The following GOLM2 variants were observed in gnomAD, a reference collection of about 807,000 sequenced individuals.
The protein encoded by GOLM2 is golgi membrane protein 2.
A neutral mutation model predicts 55.9 loss-of-function variants in GOLM2; 26 were observed. That is an observed-to-expected ratio of 0.47 (90% confidence interval 0.34 to 0.65). GOLM2 has a LOEUF of 0.65. Among genes scored for constraint, GOLM2 ranks in the 30% least tolerant of loss-of-function variants. The probability of loss-of-function intolerance (pLI) is 0.01; values close to 1 mark genes in which losing one functional copy is unlikely to be tolerated. For missense variants in GOLM2, 486 were observed against 531.8 expected, an observed-to-expected ratio of 0.91 and a Z score of 0.85; for synonymous variants, 165 against 194.6, an observed-to-expected ratio of 0.85 and a Z score of 1.27.
At chr15:44,303,898 G>A (rs1268319126) in intron 1 of GOLM2, among the ~76,000 whole-genome samples, 1 of 151,806 alleles carries the variant, frequency 6.6e-6, no homozygotes, top group African/African-American at 2.4e-5. Flanking sequence ...ACCAGGCCTG[G>A]CTGATTTTTG....
At chr15:44,306,258 A>G (rs1445981198) in intron 1 of GOLM2, among the ~76,000 whole-genome samples, 1 of 151,778 alleles carries the variant, frequency 6.6e-6, no homozygotes. Flanking sequence ...CAGCTTTTTC[A>G]TCAGCACTTG....
chr15:44,363,404 A>G (rs2141174559), intron 6 of GOLM2, among the ~76,000 whole-genome samples: 1 of 152,358 alleles, frequency 6.6e-6, no homozygotes, highest in African/African-American at 2.4e-5. Context: ...GACACTTCTC[A>G]AAAGAAGCCA....
intron 1 of GOLM2, among the ~76,000 whole-genome samples, chr15:44,297,867 CT>C (rs370282797): frequency 0.048 from 5,237 of 109,210 alleles, 144 homozygotes; most frequent in East Asian, 0.17. Flanking sequence ...CGCACCTGGC[CT>C]TTTTTTTTTT....
chr15:44,334,921 C>G (rs1006856160), intron 4 of GOLM2, among the ~76,000 whole-genome samples: 1 of 152,180 alleles, frequency 6.6e-6, no homozygotes, highest in Non-Finnish European at 1.5e-5. Context: ...ATCCCGGCTA[C>G]TCAGGAGGCT....
chr15:44,401,336 C>T (rs1787972942), intron 8 of GOLM2, among the ~76,000 whole-genome samples: 1 of 152,034 alleles, frequency 6.6e-6, no homozygotes, highest in African/African-American at 2.4e-5. Flanking sequence ...AATATCCTAA[C>T]TCACTGTAGC....
At chr15:44,381,055 C>A in intron 8 of GOLM2, 79 bp downstream of exon 8, 1 of 859,730 alleles carries the variant, frequency 1.2e-6, no homozygotes, top group Non-Finnish European at 1.6e-6. Context: ...TTATTCTGCT[C>A]TCTAATAAAT....
chr15:44,385,823 C>T (rs993088145), intron 8 of GOLM2, among the ~76,000 whole-genome samples: 1 of 152,170 alleles, frequency 6.6e-6, no homozygotes, highest in African/African-American at 2.4e-5. Context: ...CTCCCAAAAG[C>T]ACTGGGATTA....
At chr15:44,343,327 A>C (rs1162830926) in intron 6 of GOLM2, among the ~76,000 whole-genome samples, 2 of 151,986 alleles carry the variant, frequency 1.3e-5, no homozygotes, top group African/African-American at 4.8e-5. Context: ...AAAAAAAAAA[A>C]AAAACCAACT....
intron 4 of GOLM2, among the ~76,000 whole-genome samples, chr15:44,336,308 G>A (rs182390809): frequency 6.6e-6 from 1 of 151,342 alleles, no homozygotes; most frequent in East Asian, 2.0e-4. Context: ...TAGTAGAGTC[G>A]GGGTTTTACT....
chr15:44,316,991 A>G (rs555406524), intron 1 of GOLM2, among the ~76,000 whole-genome samples: 1 of 152,164 alleles, frequency 6.6e-6, no homozygotes, highest in South Asian at 2.1e-4. Context: ...CTGAATATAT[A>G]TATTCAACTA....
chr15:44,363,447 T>A (rs1478428996), intron 6 of GOLM2, among the ~76,000 whole-genome samples: 1 of 152,134 alleles, frequency 6.6e-6, no homozygotes, highest in African/African-American at 2.4e-5. Flanking sequence ...GGAAAAATGC[T>A]CACCATCACT....
At chr15:44,337,705 G>T in intron 4 of GOLM2, 58 bp from the exon 5 acceptor site, 1 of 1,224,586 alleles carries the variant, frequency 8.2e-7, no homozygotes, top group Non-Finnish European at 1.1e-6. Context: ...ATTAATAGTT[G>T]TGTCGGTGGT....
In GOLM2 at chr15:44,409,524, G is replaced by GGTTGCAGTGAGCCGAGATCTCGCC. The variant is rs556010621; in HGVS notation, c.1241-3811_1241-3788dup. 28 of 144,166 alleles carry GGTTGCAGTGAGCCGAGATCTCGCC rather than the reference G, an allele frequency of 1.9e-4. No individual in the cohort carries two copies. In the East Asian group the frequency reaches 5.6e-3, roughly 29 times the overall value. The allele number at this position is 144,166 out of a possible 1,614,324, so 8.9% of individuals were successfully genotyped here. A position where few individuals can be genotyped will look rare whatever the true frequency, so the allele number is the denominator to read the frequency against. On this transcript the variant is annotated intron_variant, in intron 9 of 9. Coordinates refer to ENST00000299957, the MANE Select transcript of GOLM2 (RefSeq NM_138423.4). The stretch of plus-strand genomic sequence containing the variant: ...GAATTGCTGGAACCTGGGAGGCGGA[G>GGTTGCAGTGAGCCGAGATCTCGCC]GTTGCAGTGAGCCGAGATCTCGCCA...
At chr15:44,392,886 C>T (rs1030763033) in intron 8 of GOLM2, among the ~76,000 whole-genome samples, 2 of 152,100 alleles carry the variant, frequency 1.3e-5, no homozygotes, top group Non-Finnish European at 2.9e-5. Flanking sequence ...AAGTAATTTC[C>T]TTAACTCGAT....
chr15:44,290,844 C>T (rs1035303384), intron 1 of GOLM2, among the ~76,000 whole-genome samples: 2 of 152,074 alleles, frequency 1.3e-5, no homozygotes, highest in Admixed American at 6.6e-5. Flanking sequence ...TTTTGTTGCC[C>T]AGGCAGGAGT....
chr15:44,374,950 C>T (rs1009209942), intron 6 of GOLM2, among the ~76,000 whole-genome samples: 1 of 152,086 alleles, frequency 6.6e-6, no homozygotes, highest in Non-Finnish European at 1.5e-5. Flanking sequence ...ATATTTTTCC[C>T]CTGGCTCTCT....
intron 6 of GOLM2, among the ~76,000 whole-genome samples, chr15:44,367,961 G>A (rs1287022447): frequency 1.3e-5 from 2 of 151,818 alleles, no homozygotes; most frequent in East Asian, 3.9e-4. Flanking sequence ...GCCTTAGTAT[G>A]GGGTTTTATT....
At chr15:44,313,565 C>G (rs1329461763) in intron 1 of GOLM2, among the ~76,000 whole-genome samples, 1 of 152,192 alleles carries the variant, frequency 6.6e-6, no homozygotes, top group Non-Finnish European at 1.5e-5. Flanking sequence ...GTGCTAATGA[C>G]TCCAAATCTG....
intron 8 of GOLM2, among the ~76,000 whole-genome samples, chr15:44,389,497 C>T (rs973797569): frequency 6.6e-6 from 1 of 152,070 alleles, no homozygotes; most frequent in Non-Finnish European, 1.5e-5. Flanking sequence ...CACTGCACTC[C>T]AGCTTAGACA....
Sources: gnomAD v4.1 joint callset for allele counts (sites outside exome capture counted in the v4.1 genomes callset) on GRCh38, gnomAD v4.1.1 for gene constraint, MANE v1.5 for transcripts, NCBI Gene and HGNC (gene_info 2026-07-23, HGNC 2026-07-21) for gene names.